The following P2RY12 variants were observed in gnomAD, a reference collection of about 807,000 sequenced individuals.
P2RY12 encodes the protein P2Y purinoceptor 12.
A neutral mutation model predicts 4.5 loss-of-function variants in P2RY12; 3 were observed. That is an observed-to-expected ratio of 0.67 (90% confidence interval 0.31 to 1.74). The LOEUF is 1.74. Ranked by LOEUF, P2RY12 falls within the 40% of genes most tolerant of loss-of-function variation. The pLI, the probability that P2RY12 is intolerant of heterozygous loss-of-function variation, is 0.09. For synonymous variants in P2RY12, 148 were observed against 154.1 expected, an observed-to-expected ratio of 0.96 and a Z score of 0.29; for missense variants, 356 against 407.8, an observed-to-expected ratio of 0.87 and a Z score of 1.09.
chr3:151,380,091 G>GAAA, intron 1 of P2RY12: 1 of 1,416,784 alleles, frequency 7.1e-7, no homozygotes, highest in Non-Finnish European at 9.8e-7. Context: ...TAGATCTGTT[G>GAAA]TTATTATTAC....
chr3:151,363,479 T>C (rs763495901), intron 1 of P2RY12, among the ~76,000 whole-genome samples: 1 of 152,180 alleles, frequency 6.6e-6, no homozygotes, highest in Non-Finnish European at 1.5e-5. Flanking sequence ...TACCACTGAT[T>C]GAGCTACTGC....
intron 1 of P2RY12, among the ~76,000 whole-genome samples, chr3:151,348,655 G>A (rs1049614090): frequency 1.9e-4 from 29 of 152,000 alleles, no homozygotes; most frequent in Admixed American, 9.8e-4. Context: ...GATTGGCAGG[G>A]CATATAAATG....
intron 1 of P2RY12, among the ~76,000 whole-genome samples, chr3:151,374,069 CT>C (rs1342730670): frequency 6.6e-6 from 1 of 152,152 alleles, no homozygotes; most frequent in African/African-American, 2.4e-5. Flanking sequence ...GTGTTTTCCC[CT>C]AATTCATATT....
rs147233054 is a variant in P2RY12 at position 151,343,986 on chromosome 3, G to C, written c.-179-3226C>G. 2.3e-4 allele frequency among the ~76,000 whole-genome samples: 35 copies of C among 152,226 alleles called. 1 individual carries two copies. The East Asian group carries it at 6.2e-3, about 27-fold the overall frequency. On this transcript the variant is annotated intron_variant, in intron 1 of 2. Coordinates refer to ENST00000302632, the MANE Select transcript of P2RY12 (RefSeq NM_022788.5). ...TTGAGGGTGTGTATTTTAAAGCAGT[G>C]CATAGTCATGTCTGCTAGCTTGGCT...
chr3:151,365,707 A>G (rs996202215), intron 1 of P2RY12: 3 of 717,958 alleles, frequency 4.2e-6, no homozygotes, highest in Non-Finnish European at 6.5e-6. Context: ...CTACTAAGTT[A>G]TTTGACAAAT....
intron 1 of P2RY12, chr3:151,384,133 C>T (rs1308805851): frequency 4.3e-6 from 7 of 1,613,814 alleles, no homozygotes; most frequent in South Asian, 1.1e-5. Context: ...ATCAATGGAA[C>T]GTTAGCCTCT....
At chr3:151,365,503 A>G (rs2107916986) in intron 1 of P2RY12, among the ~76,000 whole-genome samples, 1 of 152,332 alleles carries the variant, frequency 6.6e-6, no homozygotes, top group South Asian at 2.1e-4. Context: ...TGTATTTTGA[A>G]AAAAACCGTA....
At chr3:151,349,956 C>T (rs183666747) in intron 1 of P2RY12, 127 of 1,072,546 alleles carry the variant, frequency 1.2e-4, no homozygotes, top group Non-Finnish European at 1.5e-4. Flanking sequence ...ATGCCACCAC[C>T]GCAAGCCAGC....
intron 1 of P2RY12, chr3:151,378,198 T>C: frequency 6.4e-7 from 1 of 1,570,454 alleles, no homozygotes; most frequent in Non-Finnish European, 8.7e-7. Flanking sequence ...TGGGCGTCTG[T>C]GTGAGAGTTT....
chr3:151,372,702 T>G (rs1756341082), intron 1 of P2RY12: 1 of 1,613,840 alleles, frequency 6.2e-7, no homozygotes, highest in Non-Finnish European at 8.5e-7. Flanking sequence ...GGGAAAAGCA[T>G]TTCCATAGAA....
chr3:151,364,017 C>T (rs1754967308), intron 1 of P2RY12, among the ~76,000 whole-genome samples: 1 of 152,008 alleles, frequency 6.6e-6, no homozygotes, highest in African/African-American at 2.4e-5. Context: ...AAAAAAAAGC[C>T]ATAGGTCACC....
chr3:151,363,193 TA>T (rs1754836672), intron 1 of P2RY12, among the ~76,000 whole-genome samples: 1 of 152,170 alleles, frequency 6.6e-6, no homozygotes, highest in Admixed American at 6.6e-5. Context: ...TGGCACTGTC[TA>T]AAGTTTCCTC....
chr3:151,374,923 A>G (rs1756643674), intron 1 of P2RY12, among the ~76,000 whole-genome samples: 2 of 152,128 alleles, frequency 1.3e-5, no homozygotes, highest in African/African-American at 2.4e-5. Context: ...TTTGTTTTAA[A>G]AGTTCTCTTA....
intron 2 of P2RY12, among the ~76,000 whole-genome samples, chr3:151,340,305 G>T (rs1209615659): frequency 6.6e-6 from 1 of 152,112 alleles, no homozygotes; most frequent in Non-Finnish European, 1.5e-5. Flanking sequence ...GAGAATTTCA[G>T]CTCCCTTTAT....
rs1751307817 is a variant in P2RY12, at chr3:151,338,291, G to A, written c.555C>T (p.Val185=). ...AGATGTAATTTACTATTTCATGCCAGACTAGACCGAACTCTGATTTAAGGA... is the reference window on the plus strand; with the variant it reads ...AGATGTAATTTACTATTTCATGCCAAACTAGACCGAACTCTGATTTAAGGA... ...CSFLKSEFGL[V]WHEIVNYICQ... The change falls in exon 3 of 3, where the codon GTC becomes GTT. Residue 185 remains valine (V), a synonymous_variant. Coordinates refer to ENST00000302632, the MANE Select transcript of P2RY12 (RefSeq NM_022788.5). 1 of 1,613,946 alleles carries A rather than the reference G, an allele frequency of 6.2e-7. No individual in the cohort carries two copies.
chr3:151,368,227 G>A (rs780032486), intron 1 of P2RY12: 3 of 1,613,990 alleles, frequency 1.9e-6, no homozygotes, highest in East Asian at 2.2e-5. Flanking sequence ...AGCTCCCCAG[G>A]CCTGCTTCTT....
chr3:151,355,321 A>G (rs889495179), intron 1 of P2RY12: 15 of 853,694 alleles, frequency 1.8e-5, no homozygotes, highest in African/African-American at 5.1e-5. Context: ...TATTTTCTCA[A>G]CCTTAATGGT....
chr3:151,364,005 TA>T (rs974042504), intron 1 of P2RY12, among the ~76,000 whole-genome samples: 1 of 151,008 alleles, frequency 6.6e-6, no homozygotes, highest in Non-Finnish European at 1.5e-5. Context: ...ATATGGGGTT[TA>T]AAAAAAAAGC....
intron 1 of P2RY12, among the ~76,000 whole-genome samples, chr3:151,356,296 G>A (rs1052130240): frequency 1.3e-5 from 2 of 152,084 alleles, no homozygotes; most frequent in Non-Finnish European, 2.9e-5. Flanking sequence ...GGAGGCTGAG[G>A]CAGGAGACTC....
Sources: allele counts gnomAD v4.1 joint callset (sites outside exome capture counted in the v4.1 genomes callset), GRCh38; gene constraint gnomAD v4.1.1; transcripts MANE v1.5; gene names NCBI Gene and HGNC (gene_info 2026-07-23, HGNC 2026-07-21).